The following DPY19L1 variants were observed in gnomAD, a reference collection of about 807,000 sequenced individuals.
DPY19L1 encodes the protein dpy-19 like C-mannosyltransferase 1.
Under a neutral mutation model 96.9 loss-of-function variants are expected in DPY19L1, and 35 were observed. That is an observed-to-expected ratio of 0.36 (90% CI 0.28 to 0.48). DPY19L1 has a LOEUF of 0.48. Ranked by LOEUF, DPY19L1 falls within the 20% of genes least tolerant of loss-of-function variation. The pLI, the probability that DPY19L1 is intolerant of heterozygous loss-of-function variation, is 0.99. For synonymous variants in DPY19L1, 205 were observed against 252.6 expected (o/e 0.81, Z 1.79); for missense variants, 521 against 777.9 (o/e 0.67, Z 3.93).
At chr7:35,025,747 C>T (rs1786105536) in intron 1 of DPY19L1, among the ~76,000 whole-genome samples, 4 of 152,148 alleles carry the variant, frequency 2.6e-5, no homozygotes, top group Admixed American at 2.6e-4. Context: ...CAGCAAGAGC[C>T]AGATTTTTCC....
At chr7:35,017,006 T>G (rs1418782696) in intron 3 of DPY19L1, among the ~76,000 whole-genome samples, 13 of 151,662 alleles carry the variant, frequency 8.6e-5, no homozygotes, top group Non-Finnish European at 1.6e-4. Flanking sequence ...TTTTTTTGTT[T>G]TTTTTTTTTT....
intron 21 of DPY19L1, among the ~76,000 whole-genome samples, chr7:34,937,482 T>C (rs1038781091): frequency 4.6e-5 from 7 of 152,166 alleles, no homozygotes; most frequent in Non-Finnish European, 1.5e-5. Context: ...TAAATAAAAG[T>C]TTCTTTTAAA....
At chr7:35,022,447 C>T (rs1243246534) in intron 1 of DPY19L1, among the ~76,000 whole-genome samples, 4 of 152,194 alleles carry the variant, frequency 2.6e-5, no homozygotes, top group Admixed American at 2.0e-4. Context: ...CTCTAGGATG[C>T]TGCATTAACT....
chr7:35,019,121 T>A (rs1785929449), intron 1 of DPY19L1, among the ~76,000 whole-genome samples: 1 of 152,136 alleles, frequency 6.6e-6, no homozygotes. Flanking sequence ...ATCAGTCTCA[T>A]ATGAAAATCA....
intron 1 of DPY19L1, among the ~76,000 whole-genome samples, chr7:35,026,383 T>A (rs1158547369): frequency 6.6e-6 from 1 of 152,174 alleles, no homozygotes; most frequent in Non-Finnish European, 1.5e-5. Flanking sequence ...CACACTGGAA[T>A]CACCTGGGAG....
At chr7:34,981,904 T>G (rs981305752) in intron 7 of DPY19L1, among the ~76,000 whole-genome samples, 5 of 152,052 alleles carry the variant, frequency 3.3e-5, no homozygotes, top group South Asian at 2.1e-4. Context: ...GAGCCAAAAT[T>G]GTGCCACTGC....
intron 7 of DPY19L1, among the ~76,000 whole-genome samples, chr7:34,981,891 A>G (rs1784947748): frequency 6.6e-6 from 1 of 152,206 alleles, no homozygotes; most frequent in African/African-American, 2.4e-5. Flanking sequence ...CAGAGGCTAC[A>G]GTGAGCCAAA....
At chr7:34,941,946 T>C in intron 17 of DPY19L1, 62 bp from the exon 18 acceptor site, 2 of 1,529,900 alleles carry the variant, frequency 1.3e-6, no homozygotes, top group Non-Finnish European at 1.8e-6. Context: ...AATACTAAAC[T>C]GGCAATATGC....
intron 13 of DPY19L1, among the ~76,000 whole-genome samples, chr7:34,953,759 T>A (rs942477578): frequency 6.6e-6 from 1 of 152,162 alleles, no homozygotes; most frequent in Admixed American, 6.5e-5. Flanking sequence ...TTTATAGTTT[T>A]AAAAATCTTT....
chr7:35,018,395 AATTAT>A (rs1785910678), intron 2 of DPY19L1, among the ~76,000 whole-genome samples, 172 bp downstream of exon 2: 1 of 152,162 alleles, frequency 6.6e-6, no homozygotes, highest in Non-Finnish European at 1.5e-5. Flanking sequence ...TTTATTAAAC[AATTAT>A]ATTATTCTGA....
intron 1 of DPY19L1, among the ~76,000 whole-genome samples, chr7:35,023,397 G>T (rs914895155): frequency 2.6e-5 from 4 of 152,210 alleles, no homozygotes; most frequent in Non-Finnish European, 4.4e-5. Context: ...TGAGGCCAGG[G>T]TGGGCTTCTC....
intron 3 of DPY19L1, among the ~76,000 whole-genome samples, chr7:35,014,007 C>T (rs1488267496): frequency 6.6e-6 from 1 of 152,170 alleles, no homozygotes; most frequent in Non-Finnish European, 1.5e-5. Flanking sequence ...ACTAATATCA[C>T]TCTTAGAAAA....
intron 12 of DPY19L1, 78 bp from the exon 13 acceptor site, chr7:34,954,856 T>C (rs1784345082): frequency 1.6e-6 from 1 of 633,538 alleles, no homozygotes; most frequent in Non-Finnish European, 2.7e-6. Context: ...AATAAATGCT[T>C]TAATCATACA....
Position 35,001,456 on chromosome 7 carries a change from T to C in DPY19L1, c.764+9012A>G, listed in dbSNP as rs150260061. 4.6e-3 allele frequency among the ~76,000 whole-genome samples: 698 copies of C among 152,330 alleles called. 4 individuals are homozygous for C. The highest frequency in any genetic ancestry group is 0.016 in the African/African-American group (670 of 41,558). On this transcript the variant is annotated intron_variant, in intron 6 of 21. Coordinates refer to ENST00000638088, the MANE Select transcript of DPY19L1 (RefSeq NM_001366673.1). ...AACACTACCTTATTCCATTCTCACA[T>C]AGAAGACAGAGTCTCTTAAACTCAT...
intron 7 of DPY19L1, among the ~76,000 whole-genome samples, chr7:34,977,849 CTAAGTA>C (rs1784861042): frequency 6.6e-6 from 1 of 151,250 alleles, no homozygotes; most frequent in South Asian, 2.1e-4. Flanking sequence ...TATGTTGTTT[CTAAGTA>C]TAAGAAATAC....
At chr7:35,029,257 T>G (rs1315370043) in intron 1 of DPY19L1, among the ~76,000 whole-genome samples, 2 of 152,208 alleles carry the variant, frequency 1.3e-5, no homozygotes, top group African/African-American at 2.4e-5. Flanking sequence ...AACTTTCTTC[T>G]TATTAAAAAA....
At chr7:34,997,270 T>C (rs1785307766) in intron 6 of DPY19L1, among the ~76,000 whole-genome samples, 1 of 150,704 alleles carries the variant, frequency 6.6e-6, no homozygotes, top group South Asian at 2.1e-4. Flanking sequence ...ATTAAAGATA[T>C]GTTAGCAGGC....
rs1364725185 is a variant in DPY19L1, at chr7:35,037,275, G to C, written c.120C>G (p.Pro40=). ...ASDVGAGEPG[P]ERAPLSPGRK... ...GCCCCGGGGACAGGGGCGCGCGCTC[G>C]GGCCCCGGCTCCCCGGCGCCGACGT... Residue 40 remains proline, a synonymous_variant, in exon 1 of 22, where the codon CCC becomes CCG. Transcript: ENST00000638088. The C allele has an allele frequency of 6.2e-6, 2 of 324,366 alleles. No homozygotes were observed. The highest frequency in any genetic ancestry group is 2.2e-5 in the African/African-American group (1 of 45,438). The allele number at this position is 324,366 out of a possible 1,614,324, so 20.1% of individuals were successfully genotyped here. A position where few individuals can be genotyped will look rare whatever the true frequency, so the allele number is the denominator to read the frequency against.
chr7:34,976,583 C>T (rs1053792866), intron 7 of DPY19L1, among the ~76,000 whole-genome samples: 2 of 152,158 alleles, frequency 1.3e-5, no homozygotes, highest in African/African-American at 4.8e-5. Context: ...GTGGGTAAAA[C>T]GCTATCAAAC....
Sources: gnomAD v4.1 joint callset for allele counts (sites outside exome capture counted in the v4.1 genomes callset) on GRCh38, gnomAD v4.1.1 for gene constraint, MANE v1.5 for transcripts, NCBI Gene and HGNC (gene_info 2026-07-23, HGNC 2026-07-21) for gene names.